Variants in ADAMTS18 observed in about 807,000 individuals in gnomAD.
The protein encoded by ADAMTS18 is ADAM metallopeptidase with thrombospondin type 1 motif 18.
A neutral mutation model predicts 165.9 loss-of-function variants in ADAMTS18; 157 were observed. The observed-to-expected ratio is 0.95, with a 90% CI of 0.83 to 1.08. ADAMTS18 has a LOEUF of 1.08. Among genes scored for constraint, ADAMTS18 ranks in the 50% least tolerant of loss-of-function variants. ADAMTS18 has a pLI of 0.00. For synonymous variants in ADAMTS18, 782 were observed against 578.2 expected (o/e 1.35, Z -5.06); for missense variants, 2,040 against 1,534.0 (o/e 1.33, Z -5.51).
rs550367127 is a variant in ADAMTS18, at chr16:77,294,940, G to C, written c.2989C>G (p.Leu997Val). The change falls in exon 19 of 23, where the codon CTT (leucine) becomes GTT (valine). Residue 997 changes from leucine to valine, a missense_variant. Leu to Val is a conservative substitution (Grantham distance 32). Coordinates refer to ENST00000282849, the MANE Select transcript of ADAMTS18 (RefSeq NM_199355.4). ...NSHACPPQWSLGPWSQCSKTC... is the reference protein window; with the variant it reads ...NSHACPPQWSVGPWSQCSKTC... ...CCTGTTACCTGAGACCAGGGTCCAAGGCTCCATTGTGGAGGGCAGGCATGG... is the reference window on the plus strand; with the variant it reads ...CCTGTTACCTGAGACCAGGGTCCAACGCTCCATTGTGGAGGGCAGGCATGG... 51 of 1,614,172 alleles carry C rather than the reference G, an allele frequency of 3.2e-5. No homozygotes were observed. In the South Asian group the frequency reaches 5.3e-4, roughly 17 times the overall value.
chr16:77,341,671 C>G, intron 11 of ADAMTS18, 33 bp downstream of exon 11: 1 of 1,562,690 alleles, frequency 6.4e-7, no homozygotes, highest in Non-Finnish European at 8.8e-7. Context: ...TATCAAATTT[C>G]TGGAGCTAAA....
At chr16:77,329,819 G>A (rs1280404436) in intron 12 of ADAMTS18, among the ~76,000 whole-genome samples, 1 of 152,054 alleles carries the variant, frequency 6.6e-6, no homozygotes, top group Non-Finnish European at 1.5e-5. Flanking sequence ...GTAAGAAGTT[G>A]TTTAATATTA....
At position 77,282,921 on chromosome 16, in the gene ADAMTS18, T is replaced by TA. The variant is rs2055175831; in HGVS notation, c.*1034_*1035insT. On this transcript the variant is annotated 3_prime_UTR_variant, in exon 23 of 23. Coordinates refer to ENST00000282849, the MANE Select transcript of ADAMTS18 (RefSeq NM_199355.4). ...TTCTTTCTCTCTTTTTTTTTTTTTT[T>TA]TTTTTGCTGTTAGCTCAATCCTAGG... 6.8e-6 allele frequency: 1 copy of TA among 148,028 alleles called. No homozygotes were observed. Among genetic ancestry groups the TA allele is most frequent in the Non-Finnish European group, 1.5e-5 (1 of 66,880 alleles). 9.2% of individuals were successfully genotyped at this position (148,028 alleles called of 1,614,324 possible).
chr16:77,368,488 G>C (rs879212417), intron 3 of ADAMTS18, among the ~76,000 whole-genome samples: 1 of 147,638 alleles, frequency 6.8e-6, no homozygotes, highest in African/African-American at 2.5e-5. Flanking sequence ...TTAGGTTGGA[G>C]TACAATAGCA....
chr16:77,388,041 C>T (rs1207252535), intron 3 of ADAMTS18, among the ~76,000 whole-genome samples: 1 of 152,206 alleles, frequency 6.6e-6, no homozygotes, highest in Non-Finnish European at 1.5e-5. Flanking sequence ...CTGTTTCTGT[C>T]TTTCTCTGGT....
chr16:77,294,628 G>A (rs1383939041), intron 19 of ADAMTS18, among the ~76,000 whole-genome samples: 6 of 152,160 alleles, frequency 3.9e-5, no homozygotes, highest in African/African-American at 1.2e-4. Context: ...GGAGAATTCA[G>A]TAGCCAGTCT....
At chr16:77,378,689 T>C (rs1478307638) in intron 3 of ADAMTS18, among the ~76,000 whole-genome samples, 1 of 152,038 alleles carries the variant, frequency 6.6e-6, no homozygotes, top group Non-Finnish European at 1.5e-5. Flanking sequence ...CACTCCAACC[T>C]GGGTGACAGA....
intron 16 of ADAMTS18, among the ~76,000 whole-genome samples, chr16:77,314,624 A>AGTGTGT (rs765802389): frequency 4.3e-4 from 29 of 67,424 alleles, no homozygotes; most frequent in African/African-American, 4.6e-4. Context: ...AAAAAAAAAA[A>AGTGTGT]ATGTGTGTGT....
chr16:77,429,834 C>T (rs923209086), intron 3 of ADAMTS18, among the ~76,000 whole-genome samples: 3 of 152,110 alleles, frequency 2.0e-5, no homozygotes, highest in Non-Finnish European at 4.4e-5. Context: ...ATGGCACTTT[C>T]CACATAAGAA....
Position 77,381,631 on chromosome 16 carries a change from G to A in ADAMTS18, c.496-13908C>T, listed in dbSNP as rs1484696564. 5.3e-5 allele frequency among the ~76,000 whole-genome samples: 8 copies of A among 152,000 alleles called. No homozygotes were observed. The East Asian group carries it at 5.8e-4, about 11-fold the overall frequency. ...AGCCTGACCAACATGGTGAAACCTC[G>A]TCTCTACTAAAAATACAAAAATTAG... On this transcript the variant is annotated intron_variant, in intron 3 of 22. Coordinates refer to ENST00000282849, the MANE Select transcript of ADAMTS18 (RefSeq NM_199355.4).
At chr16:77,412,457 T>C (rs981121724) in intron 3 of ADAMTS18, among the ~76,000 whole-genome samples, 53 of 152,266 alleles carry the variant, frequency 3.5e-4, no homozygotes, top group African/African-American at 1.3e-3. Context: ...ACCAAGTAGC[T>C]AGTACTACAG....
chr16:77,371,297 G>A (rs898768644), intron 3 of ADAMTS18, among the ~76,000 whole-genome samples: 1 of 152,010 alleles, frequency 6.6e-6, no homozygotes, highest in Admixed American at 6.6e-5. Flanking sequence ...TATTCATATG[G>A]AACCACAAAA....
At position 77,290,897 on chromosome 16, in the gene ADAMTS18, C is replaced by T. The variant is rs2055349014; in HGVS notation, c.3402+369G>A. ...ATTGTTCAGAAACATGATGTAAGAA[C>T]CAAATGAGTAAAGGCTGTGAGCAGC... On this transcript the variant is annotated intron_variant, in intron 21 of 22. Coordinates refer to ENST00000282849, the MANE Select transcript of ADAMTS18 (RefSeq NM_199355.4). The T allele has an allele frequency of 1.5e-5, 4 of 269,950 alleles. No individual in the cohort carries two copies. The Admixed American group carries it at 2.0e-4, about 14-fold the overall frequency. The allele number at this position is 269,950 out of a possible 1,614,324, so 16.7% of individuals were successfully genotyped here. A position where few individuals can be genotyped will look rare whatever the true frequency, so the allele number is the denominator to read the frequency against.
At chr16:77,410,238 G>A (rs8053215) in intron 3 of ADAMTS18, among the ~76,000 whole-genome samples, 3 of 149,224 alleles carry the variant, frequency 2.0e-5, no homozygotes, top group African/African-American at 7.4e-5. Flanking sequence ...ATTAATGTTG[G>A]TCATAACCAA....
intron 17 of ADAMTS18, among the ~76,000 whole-genome samples, chr16:77,299,681 T>C (rs949892360): frequency 6.6e-6 from 1 of 152,214 alleles, no homozygotes; most frequent in African/African-American, 2.4e-5. Context: ...ATTGTTCACA[T>C]CTAAATAAAA....
intron 4 of ADAMTS18, among the ~76,000 whole-genome samples, chr16:77,364,757 G>A (rs114413905): frequency 0.019 from 2,389 of 125,356 alleles, 61 homozygotes; most frequent in African/African-American, 0.1. Flanking sequence ...AAGAAAAGAA[G>A]AAAGAAAAGG....
chr16:77,302,230 A>C (rs1329497299), intron 16 of ADAMTS18, among the ~76,000 whole-genome samples: 1 of 152,164 alleles, frequency 6.6e-6, no homozygotes, highest in Non-Finnish European at 1.5e-5. Flanking sequence ...TTCATGGTCA[A>C]ACTAGAATTG....
In ADAMTS18 at chr16:77,297,370, T is replaced by C; in HGVS notation, c.2720A>G (p.Gln907Arg). ...KAICLRDQNTQVNSSFCSAKT... is the reference protein window; with the variant it reads ...KAICLRDQNTRVNSSFCSAKT... ...TGCACTGCAGAATGAGGAATTGACT[T>C]GAGTATTTTGATCTCGCAAGCAAAT... is the stretch of plus-strand genomic sequence containing the variant. The change falls in exon 18 of 23, where the codon CAA becomes CGA. Residue 907 changes from glutamine to arginine, a missense_variant. Coordinates refer to ENST00000282849, the MANE Select transcript of ADAMTS18 (RefSeq NM_199355.4). 6.2e-7 allele frequency: 1 copy of C among 1,613,782 alleles called. No individual in the cohort carries two copies. The highest frequency in any genetic ancestry group is 8.5e-7 in the Non-Finnish European group (1 of 1,179,648).
At chr16:77,336,689 G>T (rs762764704) in intron 11 of ADAMTS18, among the ~76,000 whole-genome samples, 4 of 152,162 alleles carry the variant, frequency 2.6e-5, no homozygotes, top group Admixed American at 2.6e-4. Flanking sequence ...TTCCATTTTA[G>T]TTCTCCTTTT....
Sources: allele counts gnomAD v4.1 joint callset (sites outside exome capture counted in the v4.1 genomes callset), GRCh38; gene constraint gnomAD v4.1.1; transcripts MANE v1.5; gene names NCBI Gene and HGNC (gene_info 2026-07-23, HGNC 2026-07-21).